Variants in TCF7L1 observed in about 807,000 individuals in gnomAD.
TCF7L1 encodes the protein transcription factor 7 like 1, also known as transcription factor 7-like 1.
A neutral mutation model predicts 63.7 loss-of-function variants in TCF7L1; 18 were observed. The observed-to-expected ratio is 0.28, with a 90% CI of 0.20 to 0.42. The LOEUF (loss-of-function observed/expected upper bound fraction) is 0.42, where lower values mean the gene tolerates loss of function less well. Among genes scored for constraint, TCF7L1 ranks in the 10% least tolerant of loss-of-function variants. The pLI is 1.00. For synonymous variants in TCF7L1, 355 were observed against 340.9 expected (o/e 1.04, Z -0.46); for missense variants, 654 against 779.3 (o/e 0.84, Z 1.91).
chr2:85,232,615 T>A (rs1018878822), intron 3 of TCF7L1, among the ~76,000 whole-genome samples: 1 of 152,228 alleles, frequency 6.6e-6, no homozygotes, highest in African/African-American at 2.4e-5. Flanking sequence ...TATTTTTGCA[T>A]TCTCCTTCCC....
At chr2:85,244,729 C>T (rs1680419089) in intron 3 of TCF7L1, among the ~76,000 whole-genome samples, 1 of 152,064 alleles carries the variant, frequency 6.6e-6, no homozygotes, top group South Asian at 2.1e-4. Context: ...AGGTTAGAGA[C>T]AGAGACTTTA....
At chr2:85,296,030 G>A (rs1049334016) in intron 4 of TCF7L1, among the ~76,000 whole-genome samples, 2 of 151,980 alleles carry the variant, frequency 1.3e-5, no homozygotes, top group African/African-American at 2.4e-5. Context: ...CACCTGCCTC[G>A]GCCTCCCAAA....
chr2:85,148,677 T>A (rs1470164632), intron 3 of TCF7L1, among the ~76,000 whole-genome samples: 3 of 151,872 alleles, frequency 2.0e-5, no homozygotes, highest in Admixed American at 2.0e-4. Flanking sequence ...GTTACCAAAA[T>A]AATATACAGT....
Position 85,134,466 on chromosome 2 carries a change from G to A in TCF7L1, c.441+16G>A. 1 of 1,548,780 alleles carries A rather than the reference G, an allele frequency of 6.5e-7. No individual in the cohort carries two copies. Among genetic ancestry groups the A allele is most frequent in the Non-Finnish European group, 8.7e-7 (1 of 1,145,974 alleles). On this transcript the variant is annotated intron_variant, in intron 3 of 11. Coordinates refer to ENST00000282111, the MANE Select transcript of TCF7L1 (RefSeq NM_031283.3). The surrounding 1 kb of genome is among the most constrained non-coding windows in gnomAD (Gnocchi z 5.0). ...AGCGCGCACCGTGAGTGCCCGTCGGGCGCGCCGGGGAGGGTGGGAGGCCGC... is the reference window on the plus strand; with the variant it reads ...AGCGCGCACCGTGAGTGCCCGTCGGACGCGCCGGGGAGGGTGGGAGGCCGC...
intron 7 of TCF7L1, 101 bp from the exon 8 acceptor site, chr2:85,305,159 A>C: frequency 1.3e-6 from 2 of 1,518,916 alleles, no homozygotes; most frequent in Non-Finnish European, 1.8e-6. Flanking sequence ...CCCCACGGAC[A>C]TGCCTGTGCC....
In TCF7L1 at chr2:85,162,667, G is replaced by T. The variant is rs57379579; in HGVS notation, c.441+28217G>T. 5.3e-3 allele frequency among the ~76,000 whole-genome samples: 802 copies of T among 152,226 alleles called. 5 individuals are homozygous for T. The highest frequency in any genetic ancestry group is 0.018 in the African/African-American group (767 of 41,542). ...GGGGTCACCTTCGGTTGCCTTGGGGGTGTTTGAGCCTCTGCCGCAGGGACA... is the reference window on the plus strand; with the variant it reads ...GGGGTCACCTTCGGTTGCCTTGGGGTTGTTTGAGCCTCTGCCGCAGGGACA... On this transcript the variant is annotated intron_variant, in intron 3 of 11. Transcript: ENST00000282111.
At chr2:85,304,445 C>A in intron 7 of TCF7L1, 107 bp downstream of exon 7, 1 of 1,147,184 alleles carries the variant, frequency 8.7e-7, no homozygotes, top group South Asian at 1.4e-5. Flanking sequence ...ACAGGGCTCA[C>A]CCTCCCCCCA....
At chr2:85,286,871 G>A (rs867823538) in intron 4 of TCF7L1, among the ~76,000 whole-genome samples, 18 of 152,146 alleles carry the variant, frequency 1.2e-4, no homozygotes, top group African/African-American at 3.9e-4. Context: ...CTGGGAGTTC[G>A]GAGCTGCAGT....
intron 3 of TCF7L1, among the ~76,000 whole-genome samples, chr2:85,235,370 TATCCTACAATCTAGG>T (rs752227153): frequency 5.2e-4 from 79 of 151,604 alleles, no homozygotes; most frequent in Non-Finnish European, 9.1e-4. Flanking sequence ...GCCATTTCTT[TATCCTACAATCTAGG>T]ATGCAGTGGA....
At chr2:85,183,137 A>G (rs1035418485) in intron 3 of TCF7L1, among the ~76,000 whole-genome samples, 1 of 152,168 alleles carries the variant, frequency 6.6e-6, no homozygotes, top group African/African-American at 2.4e-5. Context: ...TCTGTGCCAC[A>G]GTGAAAAGGG....
At chr2:85,238,967 G>C (rs1002380041) in intron 3 of TCF7L1, among the ~76,000 whole-genome samples, 2 of 152,054 alleles carry the variant, frequency 1.3e-5, no homozygotes, top group East Asian at 3.9e-4. Context: ...CTACAGGCGT[G>C]ATCCACCACC....
chr2:85,134,275 G>A lies in TCF7L1; in HGVS notation c.314-48G>A, dbSNP rs1457717631. 6.6e-7 allele frequency: 1 copy of A among 1,526,212 alleles called. No individual in the cohort carries two copies. The highest frequency in any genetic ancestry group is 2.2e-4 in the Middle Eastern group (1 of 4,636). The allele number at this position is 1,526,212 out of a possible 1,614,324, so 94.5% of individuals were successfully genotyped here. ...GCCTCGAGCCCCCTGCCGCGGCGCT[G>A]TCAGTCCCGGGGGCCTGGGCCTCAC... On this transcript the variant is annotated intron_variant, in intron 2 of 11. Transcript: ENST00000282111. This position sits in a 1 kb window ranked among gnomAD's most constrained non-coding sequence, Gnocchi z 5.0.
intron 3 of TCF7L1, among the ~76,000 whole-genome samples, chr2:85,151,160 GT>G (rs976760057): frequency 3.8e-4 from 58 of 152,250 alleles, no homozygotes; most frequent in African/African-American, 1.4e-3. Flanking sequence ...AGATTTTGGA[GT>G]TTTTTCCTTA....
chr2:85,157,377 G>A (rs1437350957), intron 3 of TCF7L1, among the ~76,000 whole-genome samples: 1 of 152,170 alleles, frequency 6.6e-6, no homozygotes, highest in Non-Finnish European at 1.5e-5. Context: ...ACTTTGTTTA[G>A]TCCTCAGAAT....
At chr2:85,156,831 G>C (rs1678158556) in intron 3 of TCF7L1, among the ~76,000 whole-genome samples, 1 of 152,356 alleles carries the variant, frequency 6.6e-6, no homozygotes, top group South Asian at 2.1e-4. Flanking sequence ...GCTTGGGGCA[G>C]CATTGCTGCC....
intron 4 of TCF7L1, among the ~76,000 whole-genome samples, chr2:85,283,797 G>A (rs1386558345): frequency 1.3e-5 from 2 of 152,126 alleles, no homozygotes; most frequent in Non-Finnish European, 2.9e-5. Flanking sequence ...TGGAATAGCC[G>A]TCCCCCAACC....
rs183002666 is a variant in TCF7L1 at position 85,306,667 on chromosome 2, C to A, written c.1257+108C>A. The A allele has an allele frequency of 5.3e-4, 510 of 962,040 alleles. 1 individual carries two copies. In the African/African-American group the frequency reaches 5.8e-3, roughly 11 times the overall value. 59.6% of individuals were successfully genotyped at this position (962,040 alleles called of 1,614,324 possible). A position where few individuals can be genotyped will look rare whatever the true frequency, so the allele number is the denominator to read the frequency against. ...CATTTATTTTTATTTATTTTATTTT[C>A]TTTTATTTTTTGAGACAGAGGCTCA... On this transcript the variant is annotated intron_variant, in intron 10 of 11. Transcript: ENST00000282111. This position sits in a 1 kb window ranked among gnomAD's most constrained non-coding sequence, Gnocchi z 4.3.
intron 3 of TCF7L1, among the ~76,000 whole-genome samples, chr2:85,151,785 C>T (rs1228740030): frequency 2.6e-5 from 4 of 152,122 alleles, no homozygotes; most frequent in Admixed American, 1.3e-4. Context: ...ACAAGGTGCC[C>T]AGTTAATTAG....
Position 85,201,198 on chromosome 2 carries a change from G to A in TCF7L1, c.441+66748G>A, listed in dbSNP as rs180977278. Among the ~76,000 whole-genome samples the A allele has an allele frequency of 2.0e-4, 30 of 152,262 alleles. No individual in the cohort carries two copies. The East Asian group carries it at 3.5e-3, about 18-fold the overall frequency. ...AGCCTGGGCTACAGAGAGAGACTTC[G>A]TCTCAAGAAAACAAAAACAAAAACA... On this transcript the variant is annotated intron_variant, in intron 3 of 11. Transcript: ENST00000282111.
Sources: gnomAD v4.1 joint callset for allele counts (sites outside exome capture counted in the v4.1 genomes callset) on GRCh38, gnomAD v4.1.1 for gene constraint, Gnocchi (gnomAD v3.1) non-coding constraint, MANE v1.5 for transcripts, NCBI Gene and HGNC (gene_info 2026-07-23, HGNC 2026-07-21) for gene names.